The following GFPT2 variants were observed in gnomAD, a reference collection of about 807,000 sequenced individuals.
The protein encoded by GFPT2 is glutamine--fructose-6-phosphate aminotransferase [isomerizing] 2.
A neutral mutation model predicts 85.6 loss-of-function variants in GFPT2; 62 were observed. That is an observed-to-expected ratio of 0.72 (90% CI 0.59 to 0.90). The LOEUF is 0.90. Among genes scored for constraint, GFPT2 ranks in the 40% least tolerant of loss-of-function variants. GFPT2 has a pLI of 0.00. For missense variants in GFPT2, 788 were observed against 893.4 expected (o/e 0.88, Z 1.50); for synonymous variants, 368 against 344.5 (o/e 1.07, Z -0.75).
chr5:180,336,848 C>T (rs1371908140), intron 2 of GFPT2, among the ~76,000 whole-genome samples: 9 of 152,372 alleles, frequency 5.9e-5, no homozygotes, highest in East Asian at 3.9e-4. Context: ...GACACTTCCC[C>T]GCTGCAGGCG....
rs558011659 is a variant in GFPT2 at position 180,331,013 on chromosome 5, G to A, written c.400-179C>T. 3.8e-4 allele frequency: 230 copies of A among 600,094 alleles called. 1 individual carries two copies. The highest frequency in any genetic ancestry group is 1.7e-3 in the South Asian group (78 of 46,566). 37.2% of individuals were successfully genotyped at this position (600,094 alleles called of 1,614,324 possible). A position where few individuals can be genotyped will look rare whatever the true frequency, so the allele number is the denominator to read the frequency against. On this transcript the variant is annotated intron_variant, in intron 5 of 18. Transcript: ENST00000253778. ...AGCCAAATACCTCTGAGTCACTCCCGGAGGCCCTGAGATCATCCCACCTCA... is the reference window on the plus strand; with the variant it reads ...AGCCAAATACCTCTGAGTCACTCCCAGAGGCCCTGAGATCATCCCACCTCA...
chr5:180,353,320 C>A lies in GFPT2; in HGVS notation c.-103G>T. 1 of 890,008 alleles carries A rather than the reference C, an allele frequency of 1.1e-6. No individual in the cohort carries two copies. Among genetic ancestry groups the A allele is most frequent in the Non-Finnish European group, 1.5e-6 (1 of 684,628 alleles). 55.1% of individuals were successfully genotyped at this position (890,008 alleles called of 1,614,324 possible). A position where few individuals can be genotyped will look rare whatever the true frequency, so the allele number is the denominator to read the frequency against. On this transcript the variant is annotated 5_prime_UTR_variant, in exon 1 of 19. Coordinates refer to ENST00000253778, the MANE Select transcript of GFPT2 (RefSeq NM_005110.4). ...CCGTGGGCTCCGTGGGCTCCGTGGG[C>A]TCCGCGGGCTCCAGCTCCCGTCCGC...
chr5:180,324,050 G>A (rs1274992816), intron 9 of GFPT2, 138 bp downstream of exon 9: 2 of 680,190 alleles, frequency 2.9e-6, no homozygotes, highest in Non-Finnish European at 5.3e-6. Context: ...GCCCAGGGAT[G>A]GCTGAACTCT....
chr5:180,338,332 C>T (rs1018278912), intron 2 of GFPT2, among the ~76,000 whole-genome samples, 161 bp downstream of exon 2: 7 of 152,108 alleles, frequency 4.6e-5, no homozygotes, highest in Admixed American at 1.3e-4. Context: ...CCATAGTTTT[C>T]GAATTTCTTT....
chr5:180,302,629 A>T, intron 17 of GFPT2, 45 bp from the exon 18 acceptor site: 2 of 1,499,114 alleles, frequency 1.3e-6, no homozygotes, highest in Non-Finnish European at 1.8e-6. Context: ...TCTCTGAAAG[A>T]AGCTATCCCT....
In GFPT2 at chr5:180,328,911, C is replaced by G. The variant is rs72811040; in HGVS notation, c.535-573G>C. Among the ~76,000 whole-genome samples the G allele has an allele frequency of 2.8e-3, 432 of 152,342 alleles. 2 individuals are homozygous for G. The highest frequency in any genetic ancestry group is 5.3e-3 in the Non-Finnish European group (359 of 68,030). On this transcript the variant is annotated intron_variant, in intron 6 of 18. Transcript: ENST00000253778. This position sits in a 1 kb window ranked among gnomAD's most constrained non-coding sequence, Gnocchi z 5.4. ...GGCATCCGGAGACCCAAGAGAAGCA[C>G]AGGTTGTCATGACCGTTACTGCTAT...
chr5:180,304,754 C>T lies in GFPT2; in HGVS notation c.1842+18G>A. ...AAAAGCAGGAGAGAGCTGGCCCAGT[C>T]CAGTGGAGAGCCCTCACCTGGCGGG... On this transcript the variant is annotated intron_variant, in intron 17 of 18. Transcript: ENST00000253778. The T allele has an allele frequency of 6.2e-7, 1 of 1,606,842 alleles. No homozygotes were observed.
At position 180,323,449 on chromosome 5, in the gene GFPT2, C is replaced by G. The variant is rs556277664; in HGVS notation, c.794+739G>C. Among the ~76,000 whole-genome samples the G allele has an allele frequency of 1.1e-4, 17 of 152,200 alleles. No homozygotes were observed. The South Asian group carries it at 3.5e-3, about 32-fold the overall frequency. ...AATGGAAACATAACAAAGGCCCAAG[C>G]CTTTGGGTCTTTGAAGAAGGTACCA... On this transcript the variant is annotated intron_variant, in intron 9 of 18. Coordinates refer to ENST00000253778, the MANE Select transcript of GFPT2 (RefSeq NM_005110.4). This position sits in a 1 kb window ranked among gnomAD's most constrained non-coding sequence, Gnocchi z 4.0.
chr5:180,338,475 G>A lies in GFPT2; in HGVS notation c.115+18C>T, dbSNP rs1161292550. On this transcript the variant is annotated intron_variant, in intron 2 of 18. Coordinates refer to ENST00000253778, the MANE Select transcript of GFPT2 (RefSeq NM_005110.4). ...GGAGCCCGGTCCCCAGCCACGAGGC[G>A]GGCGGCCGCACACCCACCTGCCGAG... is the stretch of plus-strand genomic sequence containing the variant. 4.9e-6 allele frequency: 7 copies of A among 1,427,946 alleles called. No individual in the cohort carries two copies. Among genetic ancestry groups the A allele is most frequent in the East Asian group, 2.3e-5 (1 of 43,750 alleles). 88.5% of individuals were successfully genotyped at this position (1,427,946 alleles called of 1,614,324 possible). A position where few individuals can be genotyped will look rare whatever the true frequency, so the allele number is the denominator to read the frequency against.
In GFPT2 at chr5:180,340,165, G is replaced by T. The variant is rs182159373; in HGVS notation, c.8-1565C>A. Among the ~76,000 whole-genome samples the T allele has an allele frequency of 6.2e-4, 95 of 152,154 alleles. 1 individual carries two copies. Among genetic ancestry groups the T allele is most frequent in the African/African-American group, 2.1e-3 (88 of 41,540 alleles). On this transcript the variant is annotated intron_variant, in intron 1 of 18. Transcript: ENST00000253778. Reference sequence around the variant, plus strand: ...CATTCCAACCTCATACGGTGGAAGGGGCCAGGGTCTCTCTGGAGGTTTTTT... The same window carrying T: ...CATTCCAACCTCATACGGTGGAAGGTGCCAGGGTCTCTCTGGAGGTTTTTT...
At position 180,336,000 on chromosome 5, in the gene GFPT2, G is replaced by A. The variant is rs537992671; in HGVS notation, c.215-47C>T. The A allele has an allele frequency of 6.3e-5, 95 of 1,516,054 alleles. 1 individual carries two copies. The highest frequency in any genetic ancestry group is 3.9e-4 in the East Asian group (16 of 40,958). The allele number at this position is 1,516,054 out of a possible 1,614,324, so 93.9% of individuals were successfully genotyped here. On this transcript the variant is annotated intron_variant, in intron 3 of 18. Coordinates refer to ENST00000253778, the MANE Select transcript of GFPT2 (RefSeq NM_005110.4). ...TTGCCGCACTTGAACAACAAGCCTC[G>A]ACCCAGGACTGTGAGTGCAACCTGG... is the stretch of plus-strand genomic sequence containing the variant.
intron 4 of GFPT2, among the ~76,000 whole-genome samples, chr5:180,334,387 T>C (rs1168991705): frequency 1.3e-5 from 2 of 152,072 alleles, no homozygotes; most frequent in South Asian, 4.2e-4. Flanking sequence ...CTGTGGGTGG[T>C]GGGGGTGCCT....
intron 9 of GFPT2, among the ~76,000 whole-genome samples, chr5:180,319,910 T>TAC (rs374231266): frequency 4.7e-4 from 72 of 151,686 alleles, no homozygotes; most frequent in African/African-American, 1.3e-3. Flanking sequence ...CCTAGTTTCT[T>TAC]ACACACACAC....
At chr5:180,331,741 A>C in intron 4 of GFPT2, 188 bp from the exon 5 acceptor site, 1 of 624,162 alleles carries the variant, frequency 1.6e-6, no homozygotes, top group Non-Finnish European at 2.9e-6. Context: ...AGGGATTAGC[A>C]CCAGGGATGT....
At chr5:180,303,243 A>C (rs2127645434) in intron 17 of GFPT2, among the ~76,000 whole-genome samples, 1 of 152,242 alleles carries the variant, frequency 6.6e-6, no homozygotes, top group East Asian at 1.9e-4. Flanking sequence ...AAAAAAAAAA[A>C]AATGAATTCC....
At chr5:180,332,876 C>T (rs1764330506) in intron 4 of GFPT2, among the ~76,000 whole-genome samples, 1 of 152,172 alleles carries the variant, frequency 6.6e-6, no homozygotes, top group Non-Finnish European at 1.5e-5. Flanking sequence ...GGATATCCAA[C>T]TCAAGTTTTC....
chr5:180,352,945 A>C, intron 1 of GFPT2: 7 of 409,650 alleles, frequency 1.7e-5, no homozygotes, highest in Admixed American at 4.7e-5. Context: ...CTCCGTGGGG[A>C]CCGGGCCTCG....
intron 1 of GFPT2, among the ~76,000 whole-genome samples, chr5:180,349,207 C>T (rs1334662557): frequency 6.6e-6 from 1 of 151,666 alleles, no homozygotes; most frequent in Non-Finnish European, 1.5e-5. Flanking sequence ...TTTGGGAGGC[C>T]GAGGTGGGAG....
At chr5:180,326,082 T>C (rs1447807521) in intron 7 of GFPT2, among the ~76,000 whole-genome samples, 2 of 152,196 alleles carry the variant, frequency 1.3e-5, no homozygotes, top group Non-Finnish European at 2.9e-5. Context: ...GATATCCTGA[T>C]TCCAAAATCT....
Sources: allele counts gnomAD v4.1 joint callset (sites outside exome capture counted in the v4.1 genomes callset), GRCh38; gene constraint gnomAD v4.1.1; non-coding constraint Gnocchi (gnomAD v3.1); transcripts MANE v1.5; gene names NCBI Gene and HGNC (gene_info 2026-07-23, HGNC 2026-07-21).